CNTNAP5: variants seen among roughly 807,000 people sequenced by gnomAD.
CNTNAP5 encodes the protein contactin associated protein family member 5.
A neutral mutation model predicts 150.2 loss-of-function variants in CNTNAP5; 72 were observed. The ratio of observed to expected loss-of-function variants is 0.48; its 90% CI spans 0.40 to 0.58. The LOEUF (loss-of-function observed/expected upper bound fraction) is 0.58, where lower values mean the gene tolerates loss of function less well. Among genes scored for constraint, CNTNAP5 ranks in the 20% least tolerant of loss-of-function variants. The pLI, the probability that CNTNAP5 is intolerant of heterozygous loss-of-function variation, is 0.00. For synonymous variants in CNTNAP5, 672 were observed against 619.8 expected, an observed-to-expected ratio of 1.08 and a Z score of -1.25; for missense variants, 1,636 against 1,626.2, an observed-to-expected ratio of 1.01 and a Z score of -0.10.
At chr2:124,342,194 C>A (rs573056771) in intron 3 of CNTNAP5, among the ~76,000 whole-genome samples, 14 of 152,110 alleles carry the variant, frequency 9.2e-5, no homozygotes, top group Admixed American at 5.2e-4. Flanking sequence ...ATGAGTTTAA[C>A]CATCTAGGTT....
intron 4 of CNTNAP5, among the ~76,000 whole-genome samples, chr2:124,419,896 T>TTTTTTC (rs1553466619): frequency 1.2e-5 from 1 of 85,198 alleles, no homozygotes; most frequent in Admixed American, 1.3e-4. Flanking sequence ...ACTGGATTGG[T>TTTTTTC]TTTCTTTCTT....
intron 10 of CNTNAP5, among the ~76,000 whole-genome samples, chr2:124,538,263 G>A (rs995131873): frequency 6.6e-6 from 1 of 152,140 alleles, no homozygotes; most frequent in Admixed American, 6.6e-5. Flanking sequence ...CAGTTTGGTG[G>A]AGACCAGGAG....
At chr2:124,797,587 T>A (rs7559203) in intron 18 of CNTNAP5, among the ~76,000 whole-genome samples, 1 of 152,228 alleles carries the variant, frequency 6.6e-6, no homozygotes. Context: ...ACCAACATCA[T>A]AGAGAATTAC....
chr2:124,480,553 C>A (rs148873617), intron 7 of CNTNAP5, among the ~76,000 whole-genome samples: 2 of 152,288 alleles, frequency 1.3e-5, no homozygotes, highest in African/African-American at 4.8e-5. Context: ...TAGTGACAGG[C>A]ACCTTTATCT....
intron 11 of CNTNAP5, among the ~76,000 whole-genome samples, chr2:124,578,192 T>C (rs935288011): frequency 6.8e-6 from 1 of 146,720 alleles, no homozygotes; most frequent in Non-Finnish European, 1.5e-5. Context: ...TAGCCGGGCA[T>C]GGTGGCAGGC....
intron 2 of CNTNAP5, among the ~76,000 whole-genome samples, chr2:124,237,141 A>G (rs1416226489): frequency 6.6e-6 from 1 of 152,164 alleles, no homozygotes; most frequent in African/African-American, 2.4e-5. Flanking sequence ...AGAAAAAAGA[A>G]AGAAAACAAA....
At chr2:124,132,628 G>T (rs1221014269) in intron 1 of CNTNAP5, among the ~76,000 whole-genome samples, 8 of 152,080 alleles carry the variant, frequency 5.3e-5, no homozygotes, top group Admixed American at 1.3e-4. Flanking sequence ...CAATAATTGT[G>T]ATATAATATT....
At chr2:124,689,992 T>G (rs908225734) in intron 13 of CNTNAP5, among the ~76,000 whole-genome samples, 1 of 151,860 alleles carries the variant, frequency 6.6e-6, no homozygotes, top group Admixed American at 6.6e-5. Context: ...ACTCTTTCTG[T>G]TTTACAACTC....
In CNTNAP5 at chr2:124,127,083, T is replaced by C. The variant is rs1683724419; in HGVS notation, c.83-94622T>C. On this transcript the variant is annotated intron_variant, in intron 1 of 23. Transcript: ENST00000682447. ...GGAGCAATCTGGAAGGAGAAAGAAA[T>C]AAAGGGTTTTCAACTAGGAAAAGAA... Among the ~76,000 whole-genome samples, 4 of 152,216 alleles carry C rather than the reference T, an allele frequency of 2.6e-5. 1 individual carries two copies. The South Asian group carries it at 8.3e-4, about 32-fold the overall frequency.
At chr2:124,650,809 T>C (rs761864494) in intron 13 of CNTNAP5, among the ~76,000 whole-genome samples, 9 of 152,244 alleles carry the variant, frequency 5.9e-5, no homozygotes, top group Non-Finnish European at 1.3e-4. Flanking sequence ...TATATGGAGC[T>C]ACTCCAATGA....
intron 21 of CNTNAP5, among the ~76,000 whole-genome samples, chr2:124,877,489 T>G (rs1288555157): frequency 6.6e-6 from 1 of 152,098 alleles, no homozygotes; most frequent in South Asian, 2.1e-4. Context: ...GAAGGATGTT[T>G]TGTGTGGTGG....
chr2:124,619,111 G>A (rs530353495), intron 12 of CNTNAP5, among the ~76,000 whole-genome samples: 14 of 152,220 alleles, frequency 9.2e-5, no homozygotes, highest in South Asian at 2.1e-4. Context: ...TACCTCCATC[G>A]GATGATAAAA....
chr2:124,338,641 A>C (rs908770258), intron 3 of CNTNAP5, among the ~76,000 whole-genome samples: 3 of 152,136 alleles, frequency 2.0e-5, no homozygotes, highest in African/African-American at 7.2e-5. Context: ...GTTTTAATAC[A>C]ATTGCAATTT....
chr2:124,332,332 C>T (rs1689368999), intron 3 of CNTNAP5, among the ~76,000 whole-genome samples: 1 of 151,138 alleles, frequency 6.6e-6, no homozygotes, highest in South Asian at 2.1e-4. Context: ...GAATTGTTTC[C>T]ATTAATTTTA....
At chr2:124,157,382 G>C (rs573395293) in intron 1 of CNTNAP5, among the ~76,000 whole-genome samples, 24 of 152,294 alleles carry the variant, frequency 1.6e-4, no homozygotes, top group Admixed American at 3.3e-4. Context: ...GGCTTCTCTA[G>C]TGCTCTATGG....
intron 1 of CNTNAP5, among the ~76,000 whole-genome samples, chr2:124,218,411 G>A (rs1425668439): frequency 6.6e-6 from 1 of 152,076 alleles, no homozygotes; most frequent in African/African-American, 2.4e-5. Context: ...TGCTTTTGGG[G>A]GCAGGGAGTG....
At chr2:124,204,379 A>C (rs1406399196) in intron 1 of CNTNAP5, among the ~76,000 whole-genome samples, 1 of 152,176 alleles carries the variant, frequency 6.6e-6, no homozygotes, top group Non-Finnish European at 1.5e-5. Flanking sequence ...AGGAAGTTCC[A>C]AACTTTCCCA....
intron 1 of CNTNAP5, among the ~76,000 whole-genome samples, chr2:124,139,247 CTCT>C (rs1684047909): frequency 7.4e-6 from 1 of 135,510 alleles, no homozygotes; most frequent in Admixed American, 7.6e-5. Flanking sequence ...ATATAAAATC[CTCT>C]TATTTCTACC....
rs776205045 is a variant in CNTNAP5 at position 124,419,896 on chromosome 2, TTTTCTTTCTTTCTTTCTTTC to T, written c.529+2347_529+2366del. 9.6e-4 allele frequency among the ~76,000 whole-genome samples: 82 copies of T among 85,226 alleles called. 2 individuals carry two copies. The highest frequency in any genetic ancestry group is 3.4e-3 in the African/African-American group (71 of 20,988). 55.9% of individuals were successfully genotyped at this position (85,226 alleles called of 152,430 possible). A position where few individuals can be genotyped will look rare whatever the true frequency, so the allele number is the denominator to read the frequency against. ...CATGTTTTTTATTTGACTGGATTGG[TTTTCTTTCTTTCTTTCTTTC>T]TTTCTTTCTTTCTTTCTTTCTTTCT... On this transcript the variant is annotated intron_variant, in intron 4 of 23. Transcript: ENST00000682447.
Sources: allele counts gnomAD v4.1 joint callset (sites outside exome capture counted in the v4.1 genomes callset), GRCh38; gene constraint gnomAD v4.1.1; transcripts MANE v1.5; gene names NCBI Gene and HGNC (gene_info 2026-07-23, HGNC 2026-07-21).